The following DHX38 variants were observed in gnomAD, a reference collection of about 807,000 sequenced individuals.
The protein encoded by DHX38 is DEAH-box helicase 38.
In DHX38, 100 loss-of-function variants were observed where a neutral mutation model predicts 153.1. That is an observed-to-expected ratio of 0.65 (90% CI 0.56 to 0.77). The LOEUF (loss-of-function observed/expected upper bound fraction) is 0.77. DHX38 is among the 30% of genes least tolerant of loss of function. The pLI is 0.00. For synonymous variants in DHX38, 650 were observed against 631.7 expected (o/e 1.03, Z -0.43); for missense variants, 1,440 against 1,654.0 (o/e 0.87, Z 2.24).
intron 2 of DHX38, 145 bp downstream of exon 2, chr16:72,096,625 A>AT (rs2042022708): frequency 6.7e-7 from 1 of 1,485,684 alleles, no homozygotes; most frequent in Non-Finnish European, 8.9e-7. Flanking sequence ...GTAGGTAGGA[A>AT]TTTGTGGGGA....
At chr16:72,100,740 G>T (rs2042088421) in intron 9 of DHX38, 143 bp downstream of exon 9, 4 of 1,237,802 alleles carry the variant, frequency 3.2e-6, no homozygotes, top group Non-Finnish European at 3.3e-6. Flanking sequence ...AGGCCTGCCT[G>T]GGCAATATAG....
intron 4 of DHX38, 141 bp from the exon 5 acceptor site, chr16:72,098,504 C>T (rs558283608): frequency 4.3e-5 from 47 of 1,105,034 alleles, no homozygotes; most frequent in South Asian, 8.8e-5. Flanking sequence ...CTGTCAAAAC[C>T]GATCTTAACC....
At chr16:72,109,074 T>C in intron 24 of DHX38, 149 bp downstream of exon 24, 6 of 1,213,434 alleles carry the variant, frequency 4.9e-6, no homozygotes, top group South Asian at 1.6e-5. Flanking sequence ...TGGTTTTCAT[T>C]TGGGGACTTG....
intron 11 of DHX38, 109 bp downstream of exon 11, chr16:72,101,721 T>C (rs2042104299): frequency 1.3e-6 from 1 of 783,964 alleles, no homozygotes; most frequent in East Asian, 2.7e-5. Flanking sequence ...GGGAGACTCT[T>C]AGGATACCTC....
chr16:72,108,887 G>C lies in DHX38; in HGVS notation c.3343G>C (p.Asp1115His). The C allele has an allele frequency of 6.2e-7, 1 of 1,613,362 alleles. No homozygotes were observed. The highest frequency in any genetic ancestry group is 8.5e-7 in the Non-Finnish European group (1 of 1,179,676). Reference sequence around the variant, plus strand: ...CCTTTTTGGAATGGGCTACACCCCAGATTACATAGTGTATCACGAGTTGGT... The same window carrying C: ...CCTTTTTGGAATGGGCTACACCCCACATTACATAGTGTATCACGAGTTGGT... ...SSLFGMGYTP[D>H]YIVYHELVMT... is the part of the protein sequence containing the mutation. Residue 1115 changes from aspartate (D) to histidine (H), a missense_variant, in exon 24 of 27, where the codon GAT becomes CAT. Physicochemically the swap from Asp to His is moderately conservative, Grantham distance 81. Around this residue, in one of 6 missense-constraint regions of DHX38, gnomAD observed 543 missense variants for 717.9 expected, o/e 0.76. Coordinates refer to ENST00000268482, the MANE Select transcript of DHX38 (RefSeq NM_014003.4).
intron 25 of DHX38, among the ~76,000 whole-genome samples, chr16:72,110,412 C>T (rs924436327): frequency 5.3e-5 from 8 of 152,214 alleles, no homozygotes; most frequent in African/African-American, 1.9e-4. Context: ...CCCACCTTTG[C>T]TGATGGGAGG....
At chr16:72,109,317 G>A in intron 24 of DHX38, 98 bp from the exon 25 acceptor site, 3 of 1,340,522 alleles carry the variant, frequency 2.2e-6, no homozygotes, top group Non-Finnish European at 3.1e-6. Flanking sequence ...GCAGGGCCAG[G>A]GATTGGGCCC....
At position 72,112,453 on chromosome 16, in the gene DHX38, G is replaced by A. The variant is rs780848345; in HGVS notation, c.3640G>A (p.Glu1214Lys). 2 of 1,611,824 alleles carry A rather than the reference G, an allele frequency of 1.2e-6. No homozygotes were observed. Residue 1214 changes from glutamate to lysine, a missense_variant, in exon 27 of 27, where the codon GAG becomes AAG. By Grantham distance (56) the Glu-to-Lys change is moderately conservative. This residue lies in a region of DHX38 where 75 missense variants were observed against 69.5 expected (regional missense o/e 1.08). Coordinates refer to ENST00000268482, the MANE Select transcript of DHX38 (RefSeq NM_014003.4). ...CACTCCAGGCCGGAAAGAGCAAGGG[G>A]AGCCCATGACCCCTCGCCGCACGCC... ...IYTPGRKEQG[E>K]PMTPRRTPAR...
chr16:72,099,834 C>T lies in DHX38; in HGVS notation c.1063C>T (p.Leu355=), dbSNP rs1298046340. Residue 355 remains leucine (L), a synonymous_variant, in exon 8 of 27, where the codon CTG becomes TTG. Coordinates refer to ENST00000268482, the MANE Select transcript of DHX38 (RefSeq NM_014003.4). ...EDYVRRREQH[L]HKQKQKRISA... Reference sequence around the variant, plus strand: ...CTACGTGAGGAGGCGGGAGCAGCACCTGCATAAACAGAAGCAGAAGCGCAT... The same window carrying T: ...CTACGTGAGGAGGCGGGAGCAGCACTTGCATAAACAGAAGCAGAAGCGCAT... The T allele has an allele frequency of 6.2e-7, 1 of 1,613,644 alleles. No individual in the cohort carries two copies. The highest frequency in any genetic ancestry group is 8.5e-7 in the Non-Finnish European group (1 of 1,179,768).
Position 72,107,790 on chromosome 16 carries a change from C to T in DHX38, c.2955C>T (p.Tyr985=), listed in dbSNP as rs1406193787. Residue 985 remains tyrosine, a synonymous_variant, in exon 21 of 27, where the codon TAC becomes TAT. Coordinates refer to ENST00000268482, the MANE Select transcript of DHX38 (RefSeq NM_014003.4). This position sits in a 1 kb window ranked among gnomAD's most constrained non-coding sequence, Gnocchi z 5.3. The stretch of plus-strand genomic sequence containing the variant: ...TGCTCTCGGTCCCAGCCATCTTCTA[C>T]AGGCCCAAGGTGGGGCAGCGGCTGG... The part of the protein sequence containing the change: ...VSMLSVPAIF[Y]RPKGREEESD... 6.2e-7 allele frequency: 1 copy of T among 1,613,708 alleles called. No homozygotes were observed. Among genetic ancestry groups the T allele is most frequent in the Non-Finnish European group, 8.5e-7 (1 of 1,180,026 alleles).
rs931599438 is a variant in DHX38 at position 72,108,125 on chromosome 16, A to G, written c.2965-102A>G. On this transcript the variant is annotated intron_variant, in intron 21 of 26. Coordinates refer to ENST00000268482, the MANE Select transcript of DHX38 (RefSeq NM_014003.4). ...CAGGGCAACCTATTGACATGTTTGA[A>G]GTTCTATGTGTGGGTAGGTGGTAGT... is the stretch of plus-strand genomic sequence containing the variant. 15 of 1,331,118 alleles carry G rather than the reference A, an allele frequency of 1.1e-5. No homozygotes were observed. The African/African-American group carries it at 2.1e-4, about 18-fold the overall frequency. 82.5% of individuals were successfully genotyped at this position (1,331,118 alleles called of 1,614,324 possible).
In DHX38 at chr16:72,099,781, A is replaced by G. The variant is rs1255027070; in HGVS notation, c.1010A>G (p.His337Arg). 1 of 1,614,176 alleles carries G rather than the reference A, an allele frequency of 6.2e-7. No homozygotes were observed. The highest frequency in any genetic ancestry group is 1.1e-5 in the South Asian group (1 of 91,074). ...YMMDEGYDEFHNPLAYSSEDY... is the reference protein window; with the variant it reads ...YMMDEGYDEFRNPLAYSSEDY... Reference sequence around the variant, plus strand: ...ATGGACGAGGGCTATGACGAGTTCCACAACCCGCTGGCCTACTCCTCCGAG... The same window carrying G: ...ATGGACGAGGGCTATGACGAGTTCCGCAACCCGCTGGCCTACTCCTCCGAG... The change falls in exon 8 of 27, where the codon CAC becomes CGC. Residue 337 changes from histidine (H) to arginine (R), a missense_variant. Physicochemically the swap from His to Arg is conservative, Grantham distance 29. Around this residue, in one of 6 missense-constraint regions of DHX38, gnomAD observed 483 missense variants for 465.1 expected, o/e 1.04. Coordinates refer to ENST00000268482, the MANE Select transcript of DHX38 (RefSeq NM_014003.4).
Position 72,108,360 on chromosome 16 carries a change from T to C in DHX38, c.3098T>C (p.Ile1033Thr), listed in dbSNP as rs531413919. The change falls in exon 22 of 27, where the codon ATC becomes ACC. Residue 1033 changes from isoleucine to threonine, a missense_variant. Physicochemically the swap from Ile to Thr is moderately conservative, Grantham distance 89. This residue lies in a region of DHX38 where 543 missense variants were observed against 717.9 expected (regional missense o/e 0.76). Coordinates refer to ENST00000268482, the MANE Select transcript of DHX38 (RefSeq NM_014003.4). ...ACCATCTGGTGTAACGATCATTTCA[T>C]CCATGCTAAGGCCATGCGGAAGGTA... ...YSTIWCNDHF[I>T]HAKAMRKVRE... 8.1e-6 allele frequency: 13 copies of C among 1,614,050 alleles called. No individual in the cohort carries two copies. The highest frequency in any genetic ancestry group is 5.5e-5 in the South Asian group (5 of 91,074).
Position 72,101,110 on chromosome 16 carries a change from G to T in DHX38, c.1303G>T (p.Asp435Tyr). ...GCCGGAGCCGGTGATTCCAGTGAAG[G>T]ATGCTACTTCTGACCTGGCCATCAT... Reference protein sequence around the residue: ...KQPEPVIPVKDATSDLAIIAR... With the variant: ...KQPEPVIPVKYATSDLAIIAR... The change falls in exon 10 of 27, where the codon GAT becomes TAT. Residue 435 changes from aspartate to tyrosine, a missense_variant. Physicochemically the swap from Asp to Tyr is radical, Grantham distance 160 (BLOSUM62 -3). This residue lies in a region of DHX38 where 241 missense variants were observed against 229.5 expected (regional missense o/e 1.05). Coordinates refer to ENST00000268482, the MANE Select transcript of DHX38 (RefSeq NM_014003.4). 6.2e-7 allele frequency: 1 copy of T among 1,614,232 alleles called. No homozygotes were observed. The highest frequency in any genetic ancestry group is 1.1e-5 in the South Asian group (1 of 91,084).
chr16:72,103,038 A>G, intron 11 of DHX38, 36 bp from the exon 12 acceptor site: 10 of 1,609,334 alleles, frequency 6.2e-6, no homozygotes, highest in Non-Finnish European at 8.5e-6. Context: ...AGCATGGGGC[A>G]CCATGCAGGG....
In DHX38 at chr16:72,107,335, G is replaced by A. The variant is rs1567610282; in HGVS notation, c.2601-5G>A. 9 of 1,603,194 alleles carry A rather than the reference G, an allele frequency of 5.6e-6. No individual in the cohort carries two copies. The highest frequency in any genetic ancestry group is 1.3e-5 in the African/African-American group (1 of 74,854). On this transcript the variant is annotated splice_polypyrimidine_tract_variant and splice_region_variant and intron_variant, in intron 19 of 26. Coordinates refer to ENST00000268482, the MANE Select transcript of DHX38 (RefSeq NM_014003.4). The surrounding 1 kb of genome is among the most constrained non-coding windows in gnomAD (Gnocchi z 5.3). Reference sequence around the variant, plus strand: ...GGTGAGAAGATGGGGTCTTCTCCCCGGCAGGCTCTACACCCAGAGCGCCTA... The same window carrying A: ...GGTGAGAAGATGGGGTCTTCTCCCCAGCAGGCTCTACACCCAGAGCGCCTA...
intron 9 of DHX38, 132 bp from the exon 10 acceptor site, chr16:72,100,954 C>T: frequency 2.1e-6 from 2 of 935,136 alleles, no homozygotes; most frequent in East Asian, 2.4e-5. Context: ...GATGTGGAGA[C>T]AGAAAGAAGA....
At chr16:72,112,238 G>C in intron 26 of DHX38, 175 bp from the exon 27 acceptor site, 1 of 621,718 alleles carries the variant, frequency 1.6e-6, no homozygotes, top group South Asian at 1.9e-5. Context: ...TGATTACATC[G>C]CCAGTCGAAC....
rs111734496 is a variant in DHX38, at chr16:72,109,507, G to C, written c.3474G>C (p.Arg1158=). 9,458 of 1,611,206 alleles carry C rather than the reference G, an allele frequency of 5.9e-3. 37 individuals are homozygous for C. Among genetic ancestry groups the C allele is most frequent in the South Asian group, 0.011 (992 of 90,538 alleles). ...GCGTGAAACAGGCGGGCAAGTCACG[G>C]CAGGTGAGGATTCTGTGCTCTTCGC... ...FYSVKQAGKS[R]QENRRRAKEE... is the part of the protein sequence containing the mutation. The change falls in exon 25 of 27, where the codon CGG becomes CGC. Residue 1158 remains arginine (R), a synonymous_variant. Coordinates refer to ENST00000268482, the MANE Select transcript of DHX38 (RefSeq NM_014003.4).
Sources: allele counts gnomAD v4.1 joint callset (sites outside exome capture counted in the v4.1 genomes callset), GRCh38; gene constraint gnomAD v4.1.1; regional missense constraint gnomAD v4.1.1; non-coding constraint Gnocchi (gnomAD v3.1); transcripts MANE v1.5; gene names NCBI Gene and HGNC (gene_info 2026-07-23, HGNC 2026-07-21).